Variants in TMEM132D observed in about 807,000 individuals in gnomAD.
TMEM132D encodes the protein transmembrane protein 132D, also known as mature OL transmembrane protein.
TMEM132D carries 21 observed loss-of-function variants against 62.3 expected under a neutral mutation model. The observed-to-expected ratio is 0.34, with a 90% confidence interval of 0.24 to 0.49. TMEM132D has a LOEUF of 0.49. Ranked by LOEUF, TMEM132D falls within the 20% of genes least tolerant of loss-of-function variation. The pLI is 0.99. For synonymous variants in TMEM132D, 621 were observed against 575.6 expected, an observed-to-expected ratio of 1.08 and a Z score of -1.13; for missense variants, 1,346 against 1,402.8, an observed-to-expected ratio of 0.96 and a Z score of 0.65.
intron 5 of TMEM132D, among the ~76,000 whole-genome samples, chr12:129,177,556 A>C (rs1877939208): frequency 6.6e-6 from 1 of 152,124 alleles, no homozygotes; most frequent in Non-Finnish European, 1.5e-5. Context: ...CTGGGAGTTC[A>C]AGACCAGCCT....
At chr12:129,623,716 T>TACATATGC (rs1349552540) in intron 2 of TMEM132D, among the ~76,000 whole-genome samples, 1 of 147,308 alleles carries the variant, frequency 6.8e-6, no homozygotes, top group Non-Finnish European at 1.5e-5. Context: ...TACATATGCA[T>TACATATGC]ATATATACAT....
intron 6 of TMEM132D, among the ~76,000 whole-genome samples, chr12:129,083,370 G>A (rs888376274): frequency 6.6e-6 from 1 of 152,224 alleles, no homozygotes; most frequent in African/African-American, 2.4e-5. Flanking sequence ...TGCCATGTCT[G>A]AACCAGGCAG....
intron 2 of TMEM132D, among the ~76,000 whole-genome samples, chr12:129,612,263 C>A (rs147539958): frequency 6.6e-6 from 1 of 152,250 alleles, no homozygotes; most frequent in Non-Finnish European, 1.5e-5. Context: ...TCCATCACTG[C>A]CTGCGGCTCT....
chr12:129,266,813 C>T (rs1880708581), intron 4 of TMEM132D, among the ~76,000 whole-genome samples: 1 of 152,114 alleles, frequency 6.6e-6, no homozygotes, highest in South Asian at 2.1e-4. Context: ...GATCCCTCTA[C>T]TCCCTCTGTC....
At chr12:129,200,140 G>A (rs1262190597) in intron 5 of TMEM132D, among the ~76,000 whole-genome samples, 1 of 152,080 alleles carries the variant, frequency 6.6e-6, no homozygotes, top group African/African-American at 2.4e-5. Flanking sequence ...CTTAATGGAG[G>A]GGGGACCAAG....
intron 1 of TMEM132D, chr12:129,853,566 T>C (rs936724190): frequency 1.3e-5 from 2 of 152,186 alleles, no homozygotes; most frequent in Non-Finnish European, 2.9e-5. Context: ...ATCTGTTTCA[T>C]TATATGAGTC....
At chr12:129,487,479 A>T (rs915363836) in intron 3 of TMEM132D, among the ~76,000 whole-genome samples, 7 of 152,194 alleles carry the variant, frequency 4.6e-5, no homozygotes, top group African/African-American at 1.7e-4. Context: ...GACATCAATC[A>T]TCCTGCATTC....
chr12:129,721,823 G>A (rs944644911), intron 1 of TMEM132D, among the ~76,000 whole-genome samples: 7 of 152,264 alleles, frequency 4.6e-5, no homozygotes, highest in East Asian at 3.9e-4. Context: ...GAGCACATCC[G>A]GCCAGCCAGC....
intron 1 of TMEM132D, among the ~76,000 whole-genome samples, chr12:129,811,424 G>A (rs1449493373): frequency 2.0e-5 from 3 of 151,518 alleles, no homozygotes; most frequent in African/African-American, 7.3e-5. Context: ...CCAGTGATCC[G>A]GATACTCCGG....
chr12:129,715,294 C>A (rs1032689066), intron 1 of TMEM132D, among the ~76,000 whole-genome samples: 5 of 152,164 alleles, frequency 3.3e-5, no homozygotes, highest in African/African-American at 1.2e-4. Context: ...GAAATGATAC[C>A]AAGCAGCTAC....
chr12:129,828,082 G>C (rs1872709142), intron 1 of TMEM132D, among the ~76,000 whole-genome samples: 1 of 152,126 alleles, frequency 6.6e-6, no homozygotes, highest in Admixed American at 6.6e-5. Context: ...TTACTGCAAT[G>C]AGAATGATTG....
chr12:129,690,711 A>T (rs1388731923), intron 2 of TMEM132D, among the ~76,000 whole-genome samples: 2 of 152,194 alleles, frequency 1.3e-5, no homozygotes, highest in African/African-American at 4.8e-5. Context: ...TCACTGATAG[A>T]ACTTGAAGGA....
chr12:129,514,618 C>T lies in TMEM132D; in HGVS notation c.1115+16441G>A, dbSNP rs74980147. Among the ~76,000 whole-genome samples the T allele has an allele frequency of 2.6e-3, 391 of 152,242 alleles. 1 individual carries two copies. The highest frequency in any genetic ancestry group is 8.9e-3 in the African/African-American group (369 of 41,548). On this transcript the variant is annotated intron_variant, in intron 3 of 8. Coordinates refer to ENST00000422113, the MANE Select transcript of TMEM132D (RefSeq NM_133448.3). ...AACATGCAGGACTGTTCATTCATCC[C>T]GAACATTCATCTTTGCATCCTTAGG...
chr12:129,360,503 C>T (rs550885942), intron 3 of TMEM132D, among the ~76,000 whole-genome samples: 15 of 152,196 alleles, frequency 9.9e-5, no homozygotes, highest in South Asian at 8.3e-4. Context: ...TTAAAAGAGA[C>T]GAGGGGAGCA....
chr12:129,609,338 T>C (rs7956182), intron 2 of TMEM132D, among the ~76,000 whole-genome samples: 14,725 of 152,098 alleles, frequency 0.097, 1,131 homozygotes, highest in African/African-American at 0.21. Flanking sequence ...GTCATCAACA[T>C]ATCACGAGAA....
At chr12:129,846,377 T>C (rs1043346280) in intron 1 of TMEM132D, among the ~76,000 whole-genome samples, 8 of 152,174 alleles carry the variant, frequency 5.3e-5, no homozygotes, top group Non-Finnish European at 7.3e-5. Context: ...AATACTATTA[T>C]TTAGTCTTCA....
rs770112781 is a variant in TMEM132D at position 129,700,115 on chromosome 12, C to T, written c.663G>A (p.Gly221=). 3 of 1,613,398 alleles carry T rather than the reference C, an allele frequency of 1.9e-6. No homozygotes were observed. The highest frequency in any genetic ancestry group is 2.2e-5 in the East Asian group (1 of 44,846). Residue 221 remains glycine, a synonymous_variant, in exon 2 of 9, where the codon GGG becomes GGA. Transcript: ENST00000422113. Reference sequence around the variant, plus strand: ...CGGTGTAGTAGAGCTCCACGGGGGTCCCCTCCGGCTGGTCCACGGACTTCC... The same window carrying T: ...CGGTGTAGTAGAGCTCCACGGGGGTTCCCTCCGGCTGGTCCACGGACTTCC... ...GRRKSVDQPE[G]TPVELYYTVH...
At chr12:129,104,120 C>A (rs1462987722) in intron 5 of TMEM132D, among the ~76,000 whole-genome samples, 7 of 149,260 alleles carry the variant, frequency 4.7e-5, no homozygotes, top group Admixed American at 3.3e-4. Flanking sequence ...CTGGAGGCAT[C>A]CCACTACCTG....
chr12:129,655,720 C>T (rs1308870599), intron 2 of TMEM132D, among the ~76,000 whole-genome samples: 1 of 152,062 alleles, frequency 6.6e-6, no homozygotes. Context: ...CTGTCATTGG[C>T]TGGAGGGCTG....
Sources: gnomAD v4.1 joint callset for allele counts (sites outside exome capture counted in the v4.1 genomes callset) on GRCh38, gnomAD v4.1.1 for gene constraint, MANE v1.5 for transcripts, NCBI Gene and HGNC (gene_info 2026-07-23, HGNC 2026-07-21) for gene names.